Variants in RAB2A observed in about 807,000 individuals in gnomAD.
RAB2A encodes ras-related protein Rab-2A.
In RAB2A, 7 loss-of-function variants were observed where a neutral mutation model predicts 32.5. The observed-to-expected ratio is 0.22, with a 90% CI of 0.12 to 0.40. The LOEUF is 0.40. Among genes scored for constraint, RAB2A ranks in the 10% least tolerant of loss-of-function variants. The probability of loss-of-function intolerance (pLI) is 1.00; values close to 1 mark genes in which losing one functional copy is unlikely to be tolerated. For synonymous variants in RAB2A, 79 were observed against 85.2 expected (o/e 0.93, Z 0.40); for missense variants, 108 against 260.7 (o/e 0.41, Z 4.03).
intron 3 of RAB2A, among the ~76,000 whole-genome samples, chr8:60,581,402 C>G (rs1375617733): frequency 1.3e-5 from 2 of 152,180 alleles, no homozygotes; most frequent in Admixed American, 1.3e-4. Flanking sequence ...AGGGATGATT[C>G]ACATCCCCAG....
intron 1 of RAB2A, among the ~76,000 whole-genome samples, chr8:60,550,138 A>G (rs1807823169): frequency 6.6e-6 from 1 of 152,214 alleles, no homozygotes; most frequent in African/African-American, 2.4e-5. Context: ...CCAAACTGGA[A>G]CTGATGATCT....
At chr8:60,555,227 T>C (rs1166199608) in intron 1 of RAB2A, among the ~76,000 whole-genome samples, 1 of 152,230 alleles carries the variant, frequency 6.6e-6, no homozygotes, top group Non-Finnish European at 1.5e-5. Context: ...TGAAAGACTT[T>C]GGTCTTTCAA....
intron 2 of RAB2A, among the ~76,000 whole-genome samples, chr8:60,566,115 T>C (rs1808109305): frequency 6.6e-6 from 1 of 152,208 alleles, no homozygotes; most frequent in Admixed American, 6.5e-5. Flanking sequence ...CCTATATAAC[T>C]TTGGCCCTCC....
chr8:60,559,466 C>T (rs1180826343), intron 2 of RAB2A, among the ~76,000 whole-genome samples: 2 of 152,110 alleles, frequency 1.3e-5, no homozygotes, highest in Non-Finnish European at 2.9e-5. Flanking sequence ...TTTGTATTTT[C>T]CTCAGTTGTA....
Position 60,607,196 on chromosome 8 carries a change from G to A in RAB2A, c.475-11384G>A, listed in dbSNP as rs368774815. Among the ~76,000 whole-genome samples the A allele has an allele frequency of 3.4e-4, 51 of 148,656 alleles. No homozygotes were observed. The South Asian group carries it at 5.9e-3, about 17-fold the overall frequency. ...TGTAATCCCAGCACTTTGGGAGGCCGAGGCGGGCAGATCACAAGGTCAGGA... is the reference window on the plus strand; with the variant it reads ...TGTAATCCCAGCACTTTGGGAGGCCAAGGCGGGCAGATCACAAGGTCAGGA... On this transcript the variant is annotated intron_variant, in intron 6 of 7. Coordinates refer to ENST00000262646, the MANE Select transcript of RAB2A (RefSeq NM_002865.3).
Position 60,517,121 on chromosome 8 carries a change from A to T in RAB2A, c.-87A>T. ...GCGGCGGGCGGCGCCTGGCGTTTCG[A>T]GGCTGAGCGGCACCGGGGTTGGGGC... On this transcript the variant is annotated 5_prime_UTR_variant, in exon 1 of 8. Transcript: ENST00000262646. The T allele has an allele frequency of 7.3e-7, 1 of 1,362,660 alleles. No individual in the cohort carries two copies. The highest frequency in any genetic ancestry group is 9.7e-7 in the Non-Finnish European group (1 of 1,033,068). 84.4% of individuals were successfully genotyped at this position (1,362,660 alleles called of 1,614,324 possible). A position where few individuals can be genotyped will look rare whatever the true frequency, so the allele number is the denominator to read the frequency against.
rs1472030231 is a variant in RAB2A at position 60,621,391 on chromosome 8, A to G, written c.*622A>G. The stretch of plus-strand genomic sequence containing the variant: ...AAACTTTTTGACATTGTTAACAAGC[A>G]TGTTCATCTTTTCTTGTCACTAGTC... On this transcript the variant is annotated 3_prime_UTR_variant, in exon 8 of 8. Transcript: ENST00000262646. The G allele has an allele frequency of 6.6e-6, 1 of 152,216 alleles. No individual in the cohort carries two copies. The highest frequency in any genetic ancestry group is 1.9e-4 in the East Asian group (1 of 5,194). 9.4% of individuals were successfully genotyped at this position (152,216 alleles called of 1,614,324 possible).
chr8:60,543,072 C>G (rs1807671670), intron 1 of RAB2A, among the ~76,000 whole-genome samples: 1 of 152,148 alleles, frequency 6.6e-6, no homozygotes, highest in South Asian at 2.1e-4. Flanking sequence ...ACTGATTGCA[C>G]TAGGAATTAT....
intron 1 of RAB2A, among the ~76,000 whole-genome samples, chr8:60,525,291 G>C (rs1807361580): frequency 6.6e-6 from 1 of 152,166 alleles, no homozygotes; most frequent in African/African-American, 2.4e-5. Flanking sequence ...GTGTTTGACA[G>C]TTCCTCATTC....
chr8:60,520,747 T>TA (rs1807289315), intron 1 of RAB2A, among the ~76,000 whole-genome samples: 1 of 152,218 alleles, frequency 6.6e-6, no homozygotes, highest in South Asian at 2.1e-4. Flanking sequence ...CAGTCCCACT[T>TA]ACATTTTATT....
chr8:60,604,344 G>A (rs1483504380), intron 6 of RAB2A, among the ~76,000 whole-genome samples: 1 of 152,100 alleles, frequency 6.6e-6, no homozygotes, highest in Non-Finnish European at 1.5e-5. Flanking sequence ...TATAACAGCG[G>A]GAGAAAGGAC....
intron 1 of RAB2A, among the ~76,000 whole-genome samples, chr8:60,551,561 T>C (rs1373672562): frequency 6.6e-6 from 1 of 152,262 alleles, no homozygotes. Context: ...GTTAGGAAAC[T>C]GAGGCACTAA....
intron 1 of RAB2A, among the ~76,000 whole-genome samples, chr8:60,539,278 ATAGAG>A (rs1482708954): frequency 2.0e-5 from 3 of 152,242 alleles, no homozygotes; most frequent in Non-Finnish European, 4.4e-5. Flanking sequence ...GTATGTACGT[ATAGAG>A]TAATTTGGCC....
intron 6 of RAB2A, among the ~76,000 whole-genome samples, chr8:60,606,239 A>T (rs965000598): frequency 1.1e-4 from 17 of 152,200 alleles, no homozygotes; most frequent in Admixed American, 1.1e-3. Context: ...GGACTAATAC[A>T]TGTATATAAA....
chr8:60,540,894 A>G (rs929456580), intron 1 of RAB2A, among the ~76,000 whole-genome samples: 1 of 152,248 alleles, frequency 6.6e-6, no homozygotes, highest in Admixed American at 6.5e-5. Context: ...ACAATGGGTA[A>G]AAAGCTTTTC....
At chr8:60,616,060 G>A (rs897446256) in intron 6 of RAB2A, among the ~76,000 whole-genome samples, 4 of 152,092 alleles carry the variant, frequency 2.6e-5, no homozygotes, top group Admixed American at 2.6e-4. Context: ...AAGATTATTT[G>A]TTATATTTCA....
intron 5 of RAB2A, among the ~76,000 whole-genome samples, chr8:60,588,814 A>G (rs142722135): frequency 0.012 from 1,849 of 152,338 alleles, 37 homozygotes; most frequent in African/African-American, 0.042. Flanking sequence ...CAAAAAAGCT[A>G]TAATGTAAAA....
chr8:60,521,108 C>T (rs1175790425), intron 1 of RAB2A, among the ~76,000 whole-genome samples: 1 of 152,252 alleles, frequency 6.6e-6, no homozygotes, highest in Admixed American at 6.5e-5. Flanking sequence ...AGCCACAGCT[C>T]TCAGCCCCAC....
At chr8:60,572,166 G>A (rs1035407166) in intron 3 of RAB2A, 53 bp downstream of exon 3, 4 of 1,334,922 alleles carry the variant, frequency 3.0e-6, no homozygotes, top group South Asian at 2.4e-5. Context: ...CTTTATGAAA[G>A]TACATCGTAT....
Sources: gnomAD v4.1 joint callset for allele counts (sites outside exome capture counted in the v4.1 genomes callset) on GRCh38, gnomAD v4.1.1 for gene constraint, MANE v1.5 for transcripts, NCBI Gene and HGNC (gene_info 2026-07-23, HGNC 2026-07-21) for gene names.